ARMH1: variants seen among roughly 807,000 people sequenced by gnomAD.
The protein encoded by ARMH1 is armadillo-like helical domain containing protein 1.
ARMH1 carries 34 observed loss-of-function variants against 50.2 expected under a neutral mutation model. The observed-to-expected ratio is 0.68, with a 90% CI of 0.51 to 0.90. The LOEUF (loss-of-function observed/expected upper bound fraction) is 0.90, where lower values mean the gene tolerates loss of function less well. ARMH1 is among the 40% of genes least tolerant of loss of function. ARMH1 has a pLI of 0.00. For synonymous variants in ARMH1, 221 were observed against 224.2 expected, an observed-to-expected ratio of 0.99 and a Z score of 0.13; for missense variants, 538 against 553.9, an observed-to-expected ratio of 0.97 and a Z score of 0.29.
At chr1:44,688,010 T>A (rs1293256348) in intron 1 of ARMH1, among the ~76,000 whole-genome samples, 1 of 152,192 alleles carries the variant, frequency 6.6e-6, no homozygotes, top group East Asian at 1.9e-4. Flanking sequence ...ATAAAGCTAG[T>A]GGTGGTGTCT....
At chr1:44,711,404 G>C (rs1262798963) in intron 6 of ARMH1, among the ~76,000 whole-genome samples, 1 of 152,234 alleles carries the variant, frequency 6.6e-6, no homozygotes, top group East Asian at 1.9e-4. Context: ...TGGATGCGAA[G>C]TGCATTTTCC....
At chr1:44,707,481 G>A (rs1252923038) in intron 6 of ARMH1, among the ~76,000 whole-genome samples, 2 of 152,108 alleles carry the variant, frequency 1.3e-5, no homozygotes, top group African/African-American at 4.8e-5. Context: ...CCAGGCTGGA[G>A]CACCGTAGCA....
intron 1 of ARMH1, among the ~76,000 whole-genome samples, chr1:44,685,036 A>G (rs1043388807): frequency 6.6e-6 from 1 of 152,112 alleles, no homozygotes; most frequent in Non-Finnish European, 1.5e-5. Flanking sequence ...AAAAAAAACA[A>G]ACAAGCTTCC....
At chr1:44,690,478 C>A (rs1312857560) in intron 2 of ARMH1, among the ~76,000 whole-genome samples, 1 of 152,138 alleles carries the variant, frequency 6.6e-6, no homozygotes, top group Non-Finnish European at 1.5e-5. Context: ...AGGGCTAATC[C>A]TCTATTTGTA....
chr1:44,715,028 G>A (rs1646796167), intron 6 of ARMH1, among the ~76,000 whole-genome samples: 1 of 152,084 alleles, frequency 6.6e-6, no homozygotes, highest in Non-Finnish European at 1.5e-5. Flanking sequence ...TTGCAGGCAT[G>A]AGCCACCACG....
At chr1:44,721,721 C>A (rs540422415) in intron 6 of ARMH1, 1 of 152,204 alleles carries the variant, frequency 6.6e-6, no homozygotes, top group East Asian at 1.9e-4. Flanking sequence ...ATTTGTGGAG[C>A]TACCCCAACC....
Position 44,724,771 on chromosome 1 carries a change from C to T in ARMH1, c.1060C>T (p.Gln354Ter). ...LASLTLECFV[Q>*]MFPLVAEHVR... ...CGCCCGCGCGGCGCAGTGCTTCGTG[C>T]AGATGTTCCCCTTGGTGGCGGAGCA... Residue 354 changes from glutamine to a stop codon, truncating the protein, a stop_gained, in exon 10 of 12, where the codon CAG (glutamine) becomes TAG (stop). Transcript: ENST00000535358. LOFTEE classifies it high-confidence loss of function. This position sits in a 1 kb window ranked among gnomAD's most constrained non-coding sequence, Gnocchi z 6.4. 1 of 1,543,878 alleles carries T rather than the reference C, an allele frequency of 6.5e-7. No individual in the cohort carries two copies. The highest frequency in any genetic ancestry group is 2.4e-5 in the East Asian group (1 of 40,878).
rs947814485 is a variant in ARMH1 at position 44,704,167 on chromosome 1, T to C, written c.718T>C (p.Tyr240His). The C allele has an allele frequency of 1.9e-6, 3 of 1,550,846 alleles. No homozygotes were observed. The Admixed American group carries it at 5.9e-5, about 30-fold the overall frequency. ...VLGTMHLEVQ[Y>H]EAIELIKDLV... ...GGGCACGATGCACCTGGAAGTCCAG[T>C]ATGAAGGTAGGGAGCCTCCAGATTG... Residue 240 changes from tyrosine to histidine, a missense_variant, in exon 6 of 12, where the codon TAT (tyrosine) becomes CAT (histidine). Transcript: ENST00000535358.
rs1482681839 is a variant in ARMH1 at position 44,695,029 on chromosome 1, C to T, written c.207-2073C>T. On this transcript the variant is annotated intron_variant, in intron 2 of 11. Coordinates refer to ENST00000535358, the MANE Select transcript of ARMH1 (RefSeq NM_001145636.2). ...GAAAGCCTATACACCATCATGTCTC[C>T]TACTCAGTGGACCGTGCAGACCACA... 2.0e-5 allele frequency among the ~76,000 whole-genome samples: 3 copies of T among 152,212 alleles called. No individual in the cohort carries two copies. The East Asian group carries it at 5.8e-4, about 29-fold the overall frequency.
chr1:44,684,331 G>T (rs778218446), intron 1 of ARMH1: 16 of 152,102 alleles, frequency 1.1e-4, no homozygotes, highest in Non-Finnish European at 2.2e-4. Context: ...ATACATGACT[G>T]GAGGCTCTTA....
chr1:44,704,973 T>C (rs1646274362), intron 6 of ARMH1, among the ~76,000 whole-genome samples: 1 of 151,856 alleles, frequency 6.6e-6, no homozygotes, highest in Non-Finnish European at 1.5e-5. Flanking sequence ...TAGCTGGGAC[T>C]ACAGGCGCCT....
chr1:44,721,916 T>TA (rs571790081), intron 6 of ARMH1: 13 of 152,302 alleles, frequency 8.5e-5, no homozygotes, highest in South Asian at 8.3e-4. Flanking sequence ...CTGTTAGCCT[T>TA]TTGCCTGGCT....
At chr1:44,694,777 A>G (rs908051333) in intron 2 of ARMH1, among the ~76,000 whole-genome samples, 1 of 152,044 alleles carries the variant, frequency 6.6e-6, no homozygotes, top group East Asian at 1.9e-4. Context: ...TGGGATCCCA[A>G]AGTGCTGGGA....
chr1:44,702,020 G>A (rs1168493314), intron 5 of ARMH1, among the ~76,000 whole-genome samples: 5 of 152,142 alleles, frequency 3.3e-5, no homozygotes, highest in African/African-American at 7.2e-5. Context: ...TGGGAGGATC[G>A]TGTGAGCCCA....
intron 2 of ARMH1, among the ~76,000 whole-genome samples, chr1:44,696,292 C>A (rs1645827526): frequency 6.6e-6 from 1 of 152,230 alleles, no homozygotes; most frequent in African/African-American, 2.4e-5. Flanking sequence ...CCCGCCCAAA[C>A]AAAGCACCAT....
rs573934106 is a variant in ARMH1, at chr1:44,697,892, A to G, written c.276-171A>G. On this transcript the variant is annotated intron_variant, in intron 3 of 11. Transcript: ENST00000535358. ...AGAACTGTCCCTAGTATGTAATTCCAGTCTTTCCTGCTGGAAGGAAGAATT... is the reference window on the plus strand; with the variant it reads ...AGAACTGTCCCTAGTATGTAATTCCGGTCTTTCCTGCTGGAAGGAAGAATT... Among the ~76,000 whole-genome samples, 5 of 152,304 alleles carry G rather than the reference A, an allele frequency of 3.3e-5. No homozygotes were observed. In the East Asian group the frequency reaches 9.6e-4, roughly 29 times the overall value.
intron 1 of ARMH1, among the ~76,000 whole-genome samples, chr1:44,676,626 G>A (rs1483159135): frequency 6.6e-6 from 1 of 152,188 alleles, no homozygotes; most frequent in African/African-American, 2.4e-5. Flanking sequence ...AGTAAAATAA[G>A]GCCTGAAAGA....
intron 6 of ARMH1, among the ~76,000 whole-genome samples, chr1:44,719,490 C>T (rs1270470647): frequency 6.6e-6 from 1 of 152,212 alleles, no homozygotes; most frequent in Non-Finnish European, 1.5e-5. Flanking sequence ...ATCCCTCCGC[C>T]GGTGTTTTCA....
In ARMH1 at chr1:44,724,153, C is replaced by T. The variant is rs1471719334; in HGVS notation, c.756C>T (p.Tyr252=). The part of the protein sequence containing the change: ...AIELIKDLVG[Y]DVRQALLKGL... ...AGTTGATCAAAGACCTGGTCGGTTA[C>T]GATGTGCGCCAGGCGCTGCTCAAGG... The change falls in exon 7 of 12, where the codon TAC becomes TAT. Residue 252 remains tyrosine, a synonymous_variant. Transcript: ENST00000535358. The surrounding 1 kb of genome is among the most constrained non-coding windows in gnomAD (Gnocchi z 6.4). The T allele has an allele frequency of 2.6e-6, 4 of 1,551,724 alleles. No individual in the cohort carries two copies. Among genetic ancestry groups the T allele is most frequent in the Non-Finnish European group, 3.5e-6 (4 of 1,146,984 alleles).
Sources: allele counts gnomAD v4.1 joint callset (sites outside exome capture counted in the v4.1 genomes callset), GRCh38; gene constraint gnomAD v4.1.1; non-coding constraint Gnocchi (gnomAD v3.1); transcripts MANE v1.5; gene names NCBI Gene and HGNC (gene_info 2026-07-23, HGNC 2026-07-21).